RAB27B: variants seen among roughly 807,000 people sequenced by gnomAD.
RAB27B encodes ras-related protein Rab-27B.
Under a neutral mutation model 24.6 loss-of-function variants are expected in RAB27B, and 15 were observed. That is an observed-to-expected ratio of 0.61 (90% confidence interval 0.41 to 0.94). RAB27B has a LOEUF of 0.94. Among genes scored for constraint, RAB27B ranks in the 40% least tolerant of loss-of-function variants. The probability of loss-of-function intolerance (pLI) is 0.00; values close to 1 mark genes in which losing one functional copy is unlikely to be tolerated. For missense variants in RAB27B, 261 were observed against 266.8 expected (o/e 0.98, Z 0.15); for synonymous variants, 105 against 92.5 (o/e 1.14, Z -0.78).
At chr18:54,752,088 T>G (rs945898867) in intron 2 of RAB27B, among the ~76,000 whole-genome samples, 9 of 152,204 alleles carry the variant, frequency 5.9e-5, no homozygotes, top group Non-Finnish European at 2.9e-5. Flanking sequence ...TAGCACATCA[T>G]GACATACAGG....
chr18:54,732,696 A>C (rs1462218348), intron 2 of RAB27B, among the ~76,000 whole-genome samples: 3 of 152,216 alleles, frequency 2.0e-5, no homozygotes. Context: ...TTAAGAAATT[A>C]GATATTAATC....
intron 1 of RAB27B, among the ~76,000 whole-genome samples, chr18:54,874,247 T>C (rs1378367211): frequency 6.6e-6 from 1 of 152,206 alleles, no homozygotes; most frequent in Non-Finnish European, 1.5e-5. Context: ...TAAGGTTAAA[T>C]GCAAATTTTC....
At chr18:54,842,510 C>G (rs1219277358) in intron 1 of RAB27B, among the ~76,000 whole-genome samples, 2 of 23,934 alleles carry the variant, frequency 8.4e-5, no homozygotes, top group Non-Finnish European at 3.3e-4. Flanking sequence ...TCAGGACATT[C>G]TCAAGCCCAT....
At chr18:54,718,076 G>A (rs1284272678) in exon 2 of RAB27B, 1 of 152,136 alleles carries the variant, frequency 6.6e-6, no homozygotes, top group Non-Finnish European at 1.5e-5. Flanking sequence ...GCTGATCGAA[G>A]CAACAGTGCC....
At chr18:54,752,390 G>GTT (rs754838453) in intron 2 of RAB27B, among the ~76,000 whole-genome samples, 6 of 152,116 alleles carry the variant, frequency 3.9e-5, no homozygotes, top group Admixed American at 1.3e-4. Context: ...GGGCCCAAGC[G>GTT]TTTGTAAATT....
chr18:54,783,857 C>A lies in RAB27B; in HGVS notation c.-20+65716C>A, dbSNP rs1241104282. On this transcript the variant is annotated intron_variant, in intron 2 of 4. Transcript: ENST00000586570. ...AGTTTACAGTCACTCCTCAAGAGAG[C>A]AGCCAGACTCTGGACTCTCATAATT... 2.6e-5 allele frequency among the ~76,000 whole-genome samples: 4 copies of A among 152,228 alleles called. No homozygotes were observed. In the South Asian group the frequency reaches 6.2e-4, roughly 24 times the overall value.
Position 54,720,546 on chromosome 18 carries a change from AAATAT to A in RAB27B, c.-20+2407_-20+2411del, listed in dbSNP as rs1200807211. ...GATTTTACATTATTTCTACATAGAAAAATATAGCATTTACAGTACTAAGCCATCCA... is the reference window on the plus strand; with the variant it reads ...GATTTTACATTATTTCTACATAGAAAAGCATTTACAGTACTAAGCCATCCA... On this transcript the variant is annotated intron_variant, in intron 2 of 4. Transcript: ENST00000586570. Among the ~76,000 whole-genome samples, 4 of 152,290 alleles carry A rather than the reference AAATAT, an allele frequency of 2.6e-5. No homozygotes were observed. The East Asian group carries it at 5.8e-4, about 22-fold the overall frequency.
chr18:54,771,427 A>G lies in RAB27B; in HGVS notation c.-20+53286A>G, dbSNP rs115446432. ...CTGTGCCATTCATGATGAGAAGTCG[A>G]AGTGAGGTAAACATTTCTAAGGGTA... On this transcript the variant is annotated intron_variant, in intron 2 of 4. Coordinates refer to the RAB27B transcript ENST00000586570. Among the ~76,000 whole-genome samples the G allele has an allele frequency of 5.0e-3, 760 of 152,298 alleles. 7 individuals carry two copies. Among genetic ancestry groups the G allele is most frequent in the African/African-American group, 0.017 (716 of 41,576 alleles).
rs78537040 is a variant in RAB27B at position 54,804,884 on chromosome 18, C to T, written c.-19-72683C>T. Among the ~76,000 whole-genome samples, 12 of 63,654 alleles carry T rather than the reference C, an allele frequency of 1.9e-4. 1 individual carries two copies. Among genetic ancestry groups the T allele is most frequent in the South Asian group, 6.5e-4 (1 of 1,540 alleles). 41.8% of individuals were successfully genotyped at this position (63,654 alleles called of 152,430 possible). ...TCCTTTCTTTTTTTCTTTTTTCTTT[C>T]TTTCTTTCTCTTTCTCTCTCTCTTT... On this transcript the variant is annotated intron_variant, in intron 2 of 4. Transcript: ENST00000586570.
intron 1 of RAB27B, among the ~76,000 whole-genome samples, chr18:54,849,792 A>G (rs1737220392): frequency 6.6e-6 from 1 of 152,196 alleles, no homozygotes; most frequent in African/African-American, 2.4e-5. Flanking sequence ...TAGACTTTAG[A>G]AAAAACCTTT....
At chr18:54,805,126 C>T (rs375525340) in intron 2 of RAB27B, among the ~76,000 whole-genome samples, 30 of 151,866 alleles carry the variant, frequency 2.0e-4, no homozygotes, top group African/African-American at 2.7e-4. Flanking sequence ...AGAGCCTCAG[C>T]GAGTTAAGAG....
chr18:54,887,468 T>A (rs1913192302), intron 4 of RAB27B, among the ~76,000 whole-genome samples: 1 of 152,114 alleles, frequency 6.6e-6, no homozygotes, highest in Non-Finnish European at 1.5e-5. Context: ...ATTATGTATG[T>A]GTATTATGTA....
chr18:54,845,209 C>A (rs1911281580), intron 1 of RAB27B, among the ~76,000 whole-genome samples: 1 of 151,870 alleles, frequency 6.6e-6, no homozygotes, highest in Non-Finnish European at 1.5e-5. Flanking sequence ...GAGTTTGGAA[C>A]CAGCCTGGCC....
chr18:54,742,696 C>T (rs1008646093), intron 2 of RAB27B, among the ~76,000 whole-genome samples: 8 of 152,122 alleles, frequency 5.3e-5, no homozygotes, highest in Admixed American at 1.3e-4. Context: ...TTCTATGTTT[C>T]TAGACTGTGA....
rs1407136430 is a variant in RAB27B, at chr18:54,774,285, T to A, written c.-20+56144T>A. On this transcript the variant is annotated intron_variant, in intron 2 of 4. Coordinates refer to the RAB27B transcript ENST00000586570. ...CCAAAAATATTAGCATGTTAATAGG[T>A]AACTTATATTGAGTATCTATTCTGT... 2.0e-5 allele frequency among the ~76,000 whole-genome samples: 3 copies of A among 152,238 alleles called. No individual in the cohort carries two copies. In the East Asian group the frequency reaches 5.8e-4, roughly 29 times the overall value.
At chr18:54,836,790 T>G (rs1910911702) in intron 1 of RAB27B, among the ~76,000 whole-genome samples, 1 of 151,912 alleles carries the variant, frequency 6.6e-6, no homozygotes, top group African/African-American at 2.4e-5. Flanking sequence ...CATAGTCACT[T>G]GATCCAAAAG....
intron 1 of RAB27B, among the ~76,000 whole-genome samples, chr18:54,848,687 A>G (rs909067001): frequency 1.1e-4 from 17 of 152,228 alleles, no homozygotes; most frequent in Admixed American, 1.0e-3. Flanking sequence ...TGTAGGCAGT[A>G]CCTTACCAGA....
chr18:54,813,976 T>A (rs1910045740), intron 2 of RAB27B, among the ~76,000 whole-genome samples: 1 of 152,210 alleles, frequency 6.6e-6, no homozygotes, highest in African/African-American at 2.4e-5. Context: ...ACATAGTACT[T>A]TTTGTATATG....
At chr18:54,763,025 A>C (rs1598886221) in intron 2 of RAB27B, among the ~76,000 whole-genome samples, 1 of 152,308 alleles carries the variant, frequency 6.6e-6, no homozygotes, top group East Asian at 1.9e-4. Flanking sequence ...TCATTCATCA[A>C]ATATTTATTG....
Sources: allele counts gnomAD v4.1 joint callset (sites outside exome capture counted in the v4.1 genomes callset), GRCh38; gene constraint gnomAD v4.1.1; transcripts MANE v1.5; gene names NCBI Gene and HGNC (gene_info 2026-07-23, HGNC 2026-07-21).